The following ASB13 variants were observed in gnomAD, a reference collection of about 807,000 sequenced individuals.
ASB13 encodes ankyrin repeat and SOCS box protein 13.
ASB13 carries 33 observed loss-of-function variants against 28.8 expected under a neutral mutation model. The observed-to-expected ratio is 1.15, with a 90% confidence interval of 0.87 to 1.53. The LOEUF is 1.53. Among genes scored for constraint, ASB13 ranks in the 40% most tolerant of loss-of-function variants. ASB13 has a pLI of 0.00. For missense variants in ASB13, 414 were observed against 390.1 expected, an observed-to-expected ratio of 1.06 and a Z score of -0.52; for synonymous variants, 182 against 172.9, an observed-to-expected ratio of 1.05 and a Z score of -0.41.
In ASB13 at chr10:5,649,408, C is replaced by G. The variant is rs986996874; in HGVS notation, c.383-304G>C. Reference sequence around the variant, plus strand: ...TAGAATGGGTCAGGGAAAACTCCCCCGCTGCCCCCCTGCCCTGTGTCTACC... The same window carrying G: ...TAGAATGGGTCAGGGAAAACTCCCCGGCTGCCCCCCTGCCCTGTGTCTACC... On this transcript the variant is annotated intron_variant, in intron 3 of 5. Coordinates refer to ENST00000357700, the MANE Select transcript of ASB13 (RefSeq NM_024701.4). The surrounding 1 kb of genome is among the most constrained non-coding windows in gnomAD (Gnocchi z 6.4). 1.3e-5 allele frequency among the ~76,000 whole-genome samples: 2 copies of G among 152,148 alleles called. No individual in the cohort carries two copies. The highest frequency in any genetic ancestry group is 4.8e-5 in the African/African-American group (2 of 41,426).
Position 5,640,679 on chromosome 10 carries a change from C to T in ASB13, c.*24G>A. 6.2e-7 allele frequency: 1 copy of T among 1,613,854 alleles called. No homozygotes were observed. The highest frequency in any genetic ancestry group is 8.5e-7 in the Non-Finnish European group (1 of 1,179,850). On this transcript the variant is annotated 3_prime_UTR_variant, in exon 6 of 6. Transcript: ENST00000357700. ...CAATGCTGGGCACAACGGGGGCAGCCACGGTCCGGACCCCACCTGCAATTC... is the reference window on the plus strand; with the variant it reads ...CAATGCTGGGCACAACGGGGGCAGCTACGGTCCGGACCCCACCTGCAATTC...
Position 5,655,824 on chromosome 10 carries a change from C to G in ASB13, c.44-2774G>C, listed in dbSNP as rs1454195440. On this transcript the variant is annotated intron_variant, in intron 1 of 5. Coordinates refer to ENST00000357700, the MANE Select transcript of ASB13 (RefSeq NM_024701.4). The surrounding 1 kb of genome is among the most constrained non-coding windows in gnomAD (Gnocchi z 6.2). ...AAGGCAGGGTAAGGCCTAGGTCTTG[C>G]AGCAAAAAAAGAAAGTGCATCTCAG... 6.6e-6 allele frequency among the ~76,000 whole-genome samples: 1 copy of G among 152,078 alleles called. No homozygotes were observed. Among genetic ancestry groups the G allele is most frequent in the Non-Finnish European group, 1.5e-5 (1 of 67,998 alleles).
At position 5,649,008 on chromosome 10, in the gene ASB13, C is replaced by T. The variant is rs924447941; in HGVS notation, c.479G>A (p.Arg160Gln). 13 of 1,614,222 alleles carry T rather than the reference C, an allele frequency of 8.1e-6. No homozygotes were observed. Among genetic ancestry groups the T allele is most frequent in the East Asian group, 2.2e-5 (1 of 44,884 alleles). Residue 160 changes from arginine to glutamine, a missense_variant, in exon 4 of 6, where the codon CGG (arginine) becomes CAG (glutamine). By Grantham distance (43) the Arg-to-Gln change is conservative. Coordinates refer to ENST00000357700, the MANE Select transcript of ASB13 (RefSeq NM_024701.4). This position sits in a 1 kb window ranked among gnomAD's most constrained non-coding sequence, Gnocchi z 6.4. ...FGTPLHVACAREHLDCVKVLL... is the reference protein window; with the variant it reads ...FGTPLHVACAQEHLDCVKVLL... ...CACTTTGACACAGTCCAGATGCTCC[C>T]GGGCACAGGCAACGTGCAGAGGGGT...
At chr10:5,666,420 A>G in intron 1 of ASB13, 89 bp downstream of exon 1, 1 of 1,134,674 alleles carries the variant, frequency 8.8e-7, no homozygotes, top group Non-Finnish European at 1.1e-6. Context: ...GCGCGCCACC[A>G]CCTCCCCGGC....
chr10:5,656,494 G>T lies in ASB13; in HGVS notation c.44-3444C>A, dbSNP rs1200661271. ...GCGGAGATTGCAGTGAGCTGAGATC[G>T]CACCATTGCATTCCAGCCTGGGCAA... On this transcript the variant is annotated intron_variant, in intron 1 of 5. Coordinates refer to ENST00000357700, the MANE Select transcript of ASB13 (RefSeq NM_024701.4). This position sits in a 1 kb window ranked among gnomAD's most constrained non-coding sequence, Gnocchi z 4.3. 1.3e-5 allele frequency among the ~76,000 whole-genome samples: 2 copies of T among 150,776 alleles called. No homozygotes were observed. Among genetic ancestry groups the T allele is most frequent in the African/African-American group, 4.9e-5 (2 of 40,898 alleles).
intron 1 of ASB13, among the ~76,000 whole-genome samples, chr10:5,665,192 C>G (rs181957551): frequency 1.4e-3 from 210 of 152,304 alleles, no homozygotes; most frequent in Admixed American, 2.4e-3. Context: ...GTACACCACA[C>G]ATCCAGAATT....
At position 5,651,545 on chromosome 10, in the gene ASB13, C is replaced by G; in HGVS notation, c.232-182G>C. The G allele has an allele frequency of 1.6e-6, 1 of 632,718 alleles. No homozygotes were observed. The highest frequency in any genetic ancestry group is 2.1e-5 in the South Asian group (1 of 48,442). 39.2% of individuals were successfully genotyped at this position (632,718 alleles called of 1,614,324 possible). On this transcript the variant is annotated intron_variant, in intron 2 of 5. Transcript: ENST00000357700. The surrounding 1 kb of genome is among the most constrained non-coding windows in gnomAD (Gnocchi z 5.1). ...GTGGCTGCGGAGCACCGACGGCCTC[C>G]TGAGTAGAGAAGTCATCTCGTTCAG...
chr10:5,655,927 G>A lies in ASB13; in HGVS notation c.44-2877C>T, dbSNP rs58443472. 0.013 allele frequency among the ~76,000 whole-genome samples: 2,017 copies of A among 152,328 alleles called. 47 individuals carry two copies. Among genetic ancestry groups the A allele is most frequent in the African/African-American group, 0.046 (1,907 of 41,568 alleles). ...CGTCCAGGTGGATTTAGCGTCTTCC[G>A]CTGCCACACGCAAAGATGACTAAGA... On this transcript the variant is annotated intron_variant, in intron 1 of 5. Transcript: ENST00000357700. This position sits in a 1 kb window ranked among gnomAD's most constrained non-coding sequence, Gnocchi z 6.2.
chr10:5,653,098 G>A (rs1223280049), intron 1 of ASB13, 48 bp from the exon 2 acceptor site: 2 of 1,482,580 alleles, frequency 1.3e-6, no homozygotes, highest in Admixed American at 4.5e-5. Context: ...CTTCCATCCA[G>A]GACAAATGAG....
chr10:5,662,537 G>C (rs865788137), intron 1 of ASB13, among the ~76,000 whole-genome samples: 3 of 29,104 alleles, frequency 1.0e-4, no homozygotes, highest in Non-Finnish European at 2.1e-4. Context: ...CGAGAAGGGG[G>C]GGGGAGGGGA....
At position 5,652,911 on chromosome 10, in the gene ASB13, C is replaced by T; in HGVS notation, c.183G>A (p.Leu61=). 6.3e-7 allele frequency: 1 copy of T among 1,584,482 alleles called. No individual in the cohort carries two copies. The highest frequency in any genetic ancestry group is 8.6e-7 in the Non-Finnish European group (1 of 1,165,958). The change falls in exon 2 of 6, where the codon CTG becomes CTA. Residue 61 remains leucine, a synonymous_variant. Coordinates refer to ENST00000357700, the MANE Select transcript of ASB13 (RefSeq NM_024701.4). This position sits in a 1 kb window ranked among gnomAD's most constrained non-coding sequence, Gnocchi z 5.0. ...DSITPLHAAS[L]QGQARCVQLL... is the part of the protein sequence containing the mutation. Reference sequence around the variant, plus strand: ...GCTGCACACACCGCGCCTGGCCCTGCAGACTGGCTGCGTGCAGGGGCGTGA... The same window carrying T: ...GCTGCACACACCGCGCCTGGCCCTGTAGACTGGCTGCGTGCAGGGGCGTGA...
chr10:5,643,405 G>A (rs1180993806), intron 4 of ASB13, among the ~76,000 whole-genome samples: 1 of 152,156 alleles, frequency 6.6e-6, no homozygotes, highest in Non-Finnish European at 1.5e-5. Context: ...AGCATTCGTG[G>A]AGGGATCCTA....
Position 5,644,298 on chromosome 10 carries a change from A to C in ASB13, c.518-2337T>G, listed in dbSNP as rs1834850297. On this transcript the variant is annotated intron_variant, in intron 4 of 5. Transcript: ENST00000357700. This position sits in a 1 kb window ranked among gnomAD's most constrained non-coding sequence, Gnocchi z 5.1. The stretch of plus-strand genomic sequence containing the variant: ...CTCTTGGGCCCAGGAAATCGAGACC[A>C]GCCTGCGCAACATAGTGAGACCCTA... 6.6e-6 allele frequency among the ~76,000 whole-genome samples: 1 copy of C among 152,194 alleles called. No individual in the cohort carries two copies. The highest frequency in any genetic ancestry group is 2.1e-4 in the South Asian group (1 of 4,834).
chr10:5,647,095 G>T (rs11256831), intron 4 of ASB13, among the ~76,000 whole-genome samples: 30,682 of 152,104 alleles, frequency 0.2, 4,452 homozygotes, highest in East Asian at 0.52. Context: ...TGTCATCAGG[G>T]GGAATTCATG....
chr10:5,665,308 C>A (rs974469671), intron 1 of ASB13, among the ~76,000 whole-genome samples: 1 of 152,178 alleles, frequency 6.6e-6, no homozygotes, highest in African/African-American at 2.4e-5. Flanking sequence ...ATTCATTACA[C>A]TGGGAATAAA....
rs1016805680 is a variant in ASB13, at chr10:5,656,438, C to T, written c.44-3388G>A. Reference sequence around the variant, plus strand: ...CCTGTAATCCCAGCTACTCAGGAGGCGGAGGCAGCAGAATCGCTTGAACCC... The same window carrying T: ...CCTGTAATCCCAGCTACTCAGGAGGTGGAGGCAGCAGAATCGCTTGAACCC... On this transcript the variant is annotated intron_variant, in intron 1 of 5. Coordinates refer to ENST00000357700, the MANE Select transcript of ASB13 (RefSeq NM_024701.4). This position sits in a 1 kb window ranked among gnomAD's most constrained non-coding sequence, Gnocchi z 4.3. Among the ~76,000 whole-genome samples, 3 of 151,674 alleles carry T rather than the reference C, an allele frequency of 2.0e-5. No individual in the cohort carries two copies. The highest frequency in any genetic ancestry group is 7.3e-5 in the African/African-American group (3 of 41,270).
intron 1 of ASB13, among the ~76,000 whole-genome samples, chr10:5,662,608 G>T: frequency 6.8e-6 from 1 of 147,646 alleles, no homozygotes; most frequent in Non-Finnish European, 1.5e-5. Flanking sequence ...GAAGAGAAGA[G>T]AAGAGAAGAG....
At position 5,655,842 on chromosome 10, in the gene ASB13, C is replaced by T. The variant is rs911040162; in HGVS notation, c.44-2792G>A. On this transcript the variant is annotated intron_variant, in intron 1 of 5. Transcript: ENST00000357700. This position sits in a 1 kb window ranked among gnomAD's most constrained non-coding sequence, Gnocchi z 6.2. ...GGTCTTGCAGCAAAAAAAGAAAGTG[C>T]ATCTCAGGAGGCCACCTGAGCCGGG... Among the ~76,000 whole-genome samples the T allele has an allele frequency of 2.6e-5, 4 of 152,186 alleles. No individual in the cohort carries two copies. Among genetic ancestry groups the T allele is most frequent in the Non-Finnish European group, 4.4e-5 (3 of 68,036 alleles).
rs766230377 is a variant in ASB13 at position 5,651,253 on chromosome 10, G to A, written c.342C>T (p.Pro114=). Residue 114 remains proline, a synonymous_variant, in exon 3 of 6, where the codon CCC becomes CCT. Coordinates refer to ENST00000357700, the MANE Select transcript of ASB13 (RefSeq NM_024701.4). This position sits in a 1 kb window ranked among gnomAD's most constrained non-coding sequence, Gnocchi z 5.1. ...CGTGCAGGGGGGACGCTGTGTACAG[G>A]GGAGGGTTGACCTTGGCCCCGTAGG... ...LLSYGAKVNP[P]LYTASPLHEA... 3.1e-6 allele frequency: 5 copies of A among 1,613,970 alleles called. No individual in the cohort carries two copies. In the African/African-American group the frequency reaches 6.7e-5, roughly 22 times the overall value.
Sources: allele counts gnomAD v4.1 joint callset (sites outside exome capture counted in the v4.1 genomes callset), GRCh38; gene constraint gnomAD v4.1.1; non-coding constraint Gnocchi (gnomAD v3.1); transcripts MANE v1.5; gene names NCBI Gene and HGNC (gene_info 2026-07-23, HGNC 2026-07-21).